The following LRMDA variants were observed in gnomAD, a reference collection of about 807,000 sequenced individuals.
LRMDA encodes the protein leucine rich melanocyte differentiation associated, also known as leucine-rich melanocyte differentiation-associated protein.
In LRMDA, 18 loss-of-function variants were observed where a neutral mutation model predicts 29.8. That is an observed-to-expected ratio of 0.60 (90% CI 0.42 to 0.90). LRMDA has a LOEUF of 0.90. Ranked by LOEUF, LRMDA falls within the 40% of genes least tolerant of loss-of-function variation. The pLI is 0.00. For missense variants in LRMDA, 273 were observed against 273.9 expected, an observed-to-expected ratio of 1.00 and a Z score of 0.02; for synonymous variants, 125 against 109.4, an observed-to-expected ratio of 1.14 and a Z score of -0.89.
At chr10:75,589,757 C>G (rs1840698336) in intron 2 of LRMDA, among the ~76,000 whole-genome samples, 1 of 92,906 alleles carries the variant, frequency 1.1e-5, no homozygotes, top group South Asian at 4.9e-4. Context: ...GAGACCCTGT[C>G]TAAAAAAAAT....
intron 2 of LRMDA, among the ~76,000 whole-genome samples, chr10:75,978,571 G>A (rs1371806850): frequency 6.6e-6 from 1 of 152,168 alleles, no homozygotes; most frequent in East Asian, 1.9e-4. Context: ...AAAAATCCAG[G>A]TTCTGTTACA....
At chr10:76,316,592 C>A (rs975566414) in intron 5 of LRMDA, among the ~76,000 whole-genome samples, 1 of 152,160 alleles carries the variant, frequency 6.6e-6, no homozygotes, top group Non-Finnish European at 1.5e-5. Context: ...AAAACTGACA[C>A]CCTAAGGATC....
chr10:75,610,927 G>T (rs186083019), intron 2 of LRMDA, among the ~76,000 whole-genome samples: 1 of 152,142 alleles, frequency 6.6e-6, no homozygotes, highest in Non-Finnish European at 1.5e-5. Flanking sequence ...AGTTGGCCTT[G>T]TTCTGGTGGA....
chr10:75,937,371 T>G (rs1223900881), intron 2 of LRMDA, among the ~76,000 whole-genome samples: 2 of 152,350 alleles, frequency 1.3e-5, no homozygotes, highest in South Asian at 2.1e-4. Flanking sequence ...TTGGAGCTGC[T>G]GTTGTATCAC....
intron 2 of LRMDA, among the ~76,000 whole-genome samples, chr10:75,600,237 A>G (rs898351582): frequency 3.3e-5 from 5 of 152,096 alleles, no homozygotes; most frequent in Non-Finnish European, 7.4e-5. Flanking sequence ...TTTCCACAGC[A>G]TTCTTTGTCT....
intron 5 of LRMDA, among the ~76,000 whole-genome samples, chr10:76,299,652 T>G (rs1184910277): frequency 7.3e-5 from 11 of 151,278 alleles, no homozygotes; most frequent in East Asian, 1.9e-4. Flanking sequence ...AGTTGTTTCC[T>G]GCAGAATAAC....
intron 2 of LRMDA, among the ~76,000 whole-genome samples, chr10:75,694,383 A>AAACCAC (rs1402508666): frequency 6.6e-6 from 1 of 152,224 alleles, no homozygotes; most frequent in Non-Finnish European, 1.5e-5. Flanking sequence ...CGTAGGATGC[A>AAACCAC]AACCACAAGA....
chr10:76,064,200 C>T (rs555793469), intron 5 of LRMDA, among the ~76,000 whole-genome samples: 9 of 152,272 alleles, frequency 5.9e-5, no homozygotes, highest in African/African-American at 1.9e-4. Flanking sequence ...TTCTGGGCAT[C>T]GTATTTGTTT....
intron 5 of LRMDA, among the ~76,000 whole-genome samples, chr10:76,112,264 G>T (rs185162121): frequency 3.6e-4 from 55 of 152,302 alleles, no homozygotes; most frequent in East Asian, 1.2e-3. Flanking sequence ...GGCTCTGGGT[G>T]GGGGGTTCAT....
At chr10:76,486,164 A>C (rs1842780395) in intron 6 of LRMDA, among the ~76,000 whole-genome samples, 1 of 151,960 alleles carries the variant, frequency 6.6e-6, no homozygotes, top group East Asian at 1.9e-4. Context: ...TGTGAGGCTA[A>C]GTTTCTTGTT....
intron 2 of LRMDA, among the ~76,000 whole-genome samples, chr10:75,573,305 T>C (rs1840460336): frequency 6.6e-6 from 1 of 152,226 alleles, no homozygotes; most frequent in Non-Finnish European, 1.5e-5. Context: ...TTATTCAGTC[T>C]AAGAATTCAT....
intron 2 of LRMDA, among the ~76,000 whole-genome samples, chr10:75,524,140 T>C (rs982738711): frequency 6.6e-6 from 1 of 152,080 alleles, no homozygotes; most frequent in African/African-American, 2.4e-5. Flanking sequence ...TATAGAGGGG[T>C]CTTGGACAAA....
chr10:75,920,578 A>G (rs979636751), intron 2 of LRMDA, among the ~76,000 whole-genome samples: 4 of 152,204 alleles, frequency 2.6e-5, no homozygotes, highest in Non-Finnish European at 5.9e-5. Flanking sequence ...TAAGGAAGCC[A>G]AAGTATATAG....
At chr10:76,065,156 G>C (rs1227063638) in intron 5 of LRMDA, among the ~76,000 whole-genome samples, 1 of 152,130 alleles carries the variant, frequency 6.6e-6, no homozygotes, top group Non-Finnish European at 1.5e-5. Context: ...TCATTTGAGG[G>C]AGAATCACTT....
At chr10:76,292,921 G>A (rs377412218) in intron 5 of LRMDA, among the ~76,000 whole-genome samples, 7 of 152,260 alleles carry the variant, frequency 4.6e-5, no homozygotes, top group South Asian at 2.1e-4. Flanking sequence ...CAAATAACTA[G>A]GACTGCTGTG....
intron 6 of LRMDA, among the ~76,000 whole-genome samples, chr10:76,542,475 A>G (rs1332299030): frequency 6.6e-6 from 1 of 152,214 alleles, no homozygotes; most frequent in African/African-American, 2.4e-5. Context: ...CCCCTGGAAA[A>G]TAACAGCACC....
At chr10:76,263,238 TA>T (rs1727994377) in intron 5 of LRMDA, among the ~76,000 whole-genome samples, 1 of 152,126 alleles carries the variant, frequency 6.6e-6, no homozygotes, top group South Asian at 2.1e-4. Context: ...TGCTTTATTA[TA>T]ATCTGGGACC....
intron 2 of LRMDA, among the ~76,000 whole-genome samples, chr10:75,852,255 AGATT>A (rs1156384656): frequency 1.3e-5 from 2 of 152,164 alleles, no homozygotes; most frequent in Admixed American, 1.3e-4. Flanking sequence ...GAAAAAATAG[AGATT>A]GAAAACTCTG....
intron 2 of LRMDA, among the ~76,000 whole-genome samples, chr10:75,757,035 A>G (rs546441486): frequency 1.3e-5 from 2 of 152,352 alleles, no homozygotes; most frequent in African/African-American, 4.8e-5. Context: ...TGATGGTTTC[A>G]ATAGGAATTT....
Sources: gnomAD v4.1 joint callset for allele counts (sites outside exome capture counted in the v4.1 genomes callset) on GRCh38, gnomAD v4.1.1 for gene constraint, MANE v1.5 for transcripts, NCBI Gene and HGNC (gene_info 2026-07-23, HGNC 2026-07-21) for gene names.